NETO2: variants seen among roughly 807,000 people sequenced by gnomAD.
NETO2 encodes the protein neuropilin and tolloid like 2.
A neutral mutation model predicts 62.5 loss-of-function variants in NETO2; 28 were observed. The observed-to-expected ratio is 0.45, with a 90% CI of 0.33 to 0.61. The LOEUF (loss-of-function observed/expected upper bound fraction) is 0.61, where lower values mean the gene tolerates loss of function less well. Ranked by LOEUF, NETO2 falls within the 20% of genes least tolerant of loss-of-function variation. The probability of loss-of-function intolerance (pLI) is 0.02; values close to 1 mark genes in which losing one functional copy is unlikely to be tolerated. For synonymous variants in NETO2, 214 were observed against 219.1 expected, an observed-to-expected ratio of 0.98 and a Z score of 0.21; for missense variants, 548 against 643.2, an observed-to-expected ratio of 0.85 and a Z score of 1.60.
chr16:47,095,583 TA>T (rs1241278700), intron 7 of NETO2, among the ~76,000 whole-genome samples: 1 of 152,178 alleles, frequency 6.6e-6, no homozygotes, highest in Non-Finnish European at 1.5e-5. Flanking sequence ...GGTATATTGA[TA>T]AAAGGGTCAA....
chr16:47,123,062 G>C (rs576381485), intron 4 of NETO2, 150 bp from the exon 5 acceptor site: 1 of 693,560 alleles, frequency 1.4e-6, no homozygotes, highest in African/African-American at 1.8e-5. Context: ...TTAGGAGCTC[G>C]CTTACAGGAT....
intron 7 of NETO2, among the ~76,000 whole-genome samples, chr16:47,100,045 A>G (rs1963509191): frequency 6.6e-6 from 1 of 152,212 alleles, no homozygotes; most frequent in African/African-American, 2.4e-5. Flanking sequence ...TCTAAAATTG[A>G]CCACATAATT....
At chr16:47,137,617 G>C (rs952884284) in intron 1 of NETO2, among the ~76,000 whole-genome samples, 5 of 152,090 alleles carry the variant, frequency 3.3e-5, no homozygotes, top group Non-Finnish European at 5.9e-5. Flanking sequence ...CACTTGCCAG[G>C]GACCTTGGAC....
intron 8 of NETO2, 109 bp downstream of exon 8, chr16:47,086,117 C>G: frequency 1.3e-6 from 1 of 748,116 alleles, no homozygotes; most frequent in Non-Finnish European, 2.3e-6. Flanking sequence ...AACAAACAAA[C>G]AAAAAGCAGC....
At position 47,083,357 on chromosome 16, in the gene NETO2, C is replaced by T. The variant is rs777336940; in HGVS notation, c.1442G>A (p.Ser481Asn). The change falls in exon 9 of 9, where the codon AGT becomes AAT. Residue 481 changes from serine to asparagine, a missense_variant. By Grantham distance (46) the Ser-to-Asn change is conservative (BLOSUM62 1). Transcript: ENST00000562435. ...MKTFNSTFKKSSYTFKQGHEC... is the reference protein window; with the variant it reads ...MKTFNSTFKKNSYTFKQGHEC... ...ATGTCCCTGTTTGAAAGTGTAACTA[C>T]TTTTCTTGAAGGTGCTATTAAATGT... The T allele has an allele frequency of 3.7e-6, 6 of 1,614,096 alleles. No homozygotes were observed. In the South Asian group the frequency reaches 5.5e-5, roughly 15 times the overall value.
At chr16:47,135,167 T>C (rs561040034) in intron 1 of NETO2, among the ~76,000 whole-genome samples, 1 of 152,352 alleles carries the variant, frequency 6.6e-6, no homozygotes, top group South Asian at 2.1e-4. Context: ...TATAACAAGG[T>C]CTTTGTACAC....
At chr16:47,141,881 G>A (rs1964467003) in intron 1 of NETO2, among the ~76,000 whole-genome samples, 3 of 152,190 alleles carry the variant, frequency 2.0e-5, no homozygotes, top group South Asian at 2.1e-4. Flanking sequence ...GTGCACCCAC[G>A]GGAAAGGCAA....
intron 4 of NETO2, among the ~76,000 whole-genome samples, chr16:47,125,323 G>A (rs1002653053): frequency 6.6e-6 from 1 of 151,128 alleles, no homozygotes; most frequent in Non-Finnish European, 1.5e-5. Context: ...CCCTGCCACT[G>A]TGAAAAAACA....
chr16:47,096,322 T>C (rs544045437), intron 7 of NETO2, among the ~76,000 whole-genome samples: 12 of 152,056 alleles, frequency 7.9e-5, no homozygotes, highest in African/African-American at 2.7e-4. Context: ...TGAGTGACAA[T>C]AAATAAAATA....
intron 7 of NETO2, among the ~76,000 whole-genome samples, chr16:47,098,471 T>G (rs1963473875): frequency 6.6e-6 from 1 of 151,774 alleles, no homozygotes; most frequent in Non-Finnish European, 1.5e-5. Flanking sequence ...GAAGACAAAA[T>G]TAGAGAAAAA....
At chr16:47,131,681 T>C (rs1381294477) in intron 2 of NETO2, among the ~76,000 whole-genome samples, 1 of 152,232 alleles carries the variant, frequency 6.6e-6, no homozygotes, top group African/African-American at 2.4e-5. Context: ...TATTTTTGCT[T>C]AGTGATAAAA....
intron 7 of NETO2, among the ~76,000 whole-genome samples, chr16:47,088,402 G>C (rs1485539382): frequency 2.6e-5 from 4 of 151,998 alleles, no homozygotes; most frequent in Admixed American, 1.3e-4. Flanking sequence ...CACTGTGCCT[G>C]GTCCAAAAAC....
chr16:47,087,481 G>A (rs950372960), intron 7 of NETO2, among the ~76,000 whole-genome samples: 1 of 152,172 alleles, frequency 6.6e-6, no homozygotes, highest in East Asian at 1.9e-4. Flanking sequence ...TGGGTACAGA[G>A]TTTCAGTTTG....
intron 7 of NETO2, among the ~76,000 whole-genome samples, chr16:47,092,128 G>A (rs899640125): frequency 4.0e-5 from 6 of 151,602 alleles, no homozygotes; most frequent in Non-Finnish European, 7.4e-5. Flanking sequence ...GATTACAGGC[G>A]TGAGCCACTG....
intron 2 of NETO2, among the ~76,000 whole-genome samples, chr16:47,130,856 G>A (rs1247702989): frequency 4.6e-5 from 7 of 152,042 alleles, no homozygotes; most frequent in Non-Finnish European, 8.8e-5. Context: ...GACCTACAGC[G>A]CCTTAAACAC....
At chr16:47,093,053 T>C (rs1250393874) in intron 7 of NETO2, among the ~76,000 whole-genome samples, 5 of 152,176 alleles carry the variant, frequency 3.3e-5, no homozygotes, top group African/African-American at 1.2e-4. Flanking sequence ...AGTAAACTCT[T>C]AACTCATATC....
chr16:47,108,749 G>A (rs1183602204), intron 7 of NETO2, among the ~76,000 whole-genome samples: 1 of 152,196 alleles, frequency 6.6e-6, no homozygotes, highest in South Asian at 2.1e-4. Flanking sequence ...TACCGGACCG[G>A]TCTATAGCTT....
chr16:47,141,212 A>T (rs1243684790), intron 1 of NETO2, among the ~76,000 whole-genome samples: 4 of 152,248 alleles, frequency 2.6e-5, no homozygotes, highest in African/African-American at 4.8e-5. Flanking sequence ...ATTTTAGTAG[A>T]AACTGACCAT....
chr16:47,101,870 T>G (rs983221008), intron 7 of NETO2, among the ~76,000 whole-genome samples: 2 of 152,090 alleles, frequency 1.3e-5, no homozygotes, highest in Non-Finnish European at 2.9e-5. Flanking sequence ...AAGTAATTTA[T>G]AGATTCAATG....
Sources: gnomAD v4.1 joint callset for allele counts (sites outside exome capture counted in the v4.1 genomes callset) on GRCh38, gnomAD v4.1.1 for gene constraint, MANE v1.5 for transcripts, NCBI Gene and HGNC (gene_info 2026-07-23, HGNC 2026-07-21) for gene names.